The following ZNF212 variants were observed in gnomAD, a reference collection of about 807,000 sequenced individuals.
ZNF212 encodes Zinc finger protein C2H2-150.
ZNF212 carries 32 observed loss-of-function variants against 47.3 expected under a neutral mutation model. That is an observed-to-expected ratio of 0.68 (90% confidence interval 0.51 to 0.91). The LOEUF is 0.91. ZNF212 is among the 40% of genes least tolerant of loss of function. The probability of loss-of-function intolerance (pLI) is 0.00; values close to 1 mark genes in which losing one functional copy is unlikely to be tolerated. For missense variants in ZNF212, 555 were observed against 622.8 expected, an observed-to-expected ratio of 0.89 and a Z score of 1.16; for synonymous variants, 242 against 253.8, an observed-to-expected ratio of 0.95 and a Z score of 0.44.
Position 149,240,057 on chromosome 7 carries a change from G to T in ZNF212, c.24+255G>T, listed in dbSNP as rs191407885. 6.3e-3 allele frequency: 2,575 copies of T among 406,450 alleles called. 9 individuals are homozygous for T. The highest frequency in any genetic ancestry group is 9.1e-3 in the Non-Finnish European group (2,119 of 233,758). 25.2% of individuals were successfully genotyped at this position (406,450 alleles called of 1,614,324 possible). A position where few individuals can be genotyped will look rare whatever the true frequency, so the allele number is the denominator to read the frequency against. ...GAAACTTCTCTGACGCTTGCTTTAG[G>T]TTGGTGGATTTGTGACCCTGCCCAC... On this transcript the variant is annotated intron_variant, in intron 1 of 4. Transcript: ENST00000335870.
At chr7:149,250,014 T>C in intron 1 of ZNF212, 145 bp from the exon 2 acceptor site, 1 of 671,156 alleles carries the variant, frequency 1.5e-6, no homozygotes, top group East Asian at 3.3e-5. Flanking sequence ...ATACAATATC[T>C]ATGTATAATT....
intron 4 of ZNF212, 40 bp downstream of exon 4, chr7:149,252,835 C>T (rs757577132): frequency 6.3e-7 from 1 of 1,596,948 alleles, no homozygotes; most frequent in Non-Finnish European, 8.6e-7. Flanking sequence ...TTCCATAGCC[C>T]TCTGTAGCCT....
intron 2 of ZNF212, 45 bp from the exon 3 acceptor site, chr7:149,250,636 T>C (rs752485300): frequency 2.5e-6 from 4 of 1,613,150 alleles, no homozygotes; most frequent in Non-Finnish European, 3.4e-6. Context: ...TTTTCTGTCA[T>C]AGCTGTGAGT....
chr7:149,250,725 G>A lies in ZNF212; in HGVS notation c.459G>A (p.Gln153=). 6.2e-7 allele frequency: 1 copy of A among 1,614,214 alleles called. No homozygotes were observed. Among genetic ancestry groups the A allele is most frequent in the Non-Finnish European group, 8.5e-7 (1 of 1,180,036 alleles). ...LENDGVCFTE[Q]EWENLEDWQK... Reference sequence around the variant, plus strand: ...ATGATGGCGTCTGTTTCACCGAGCAGGAATGGGAGAATCTGGAGGATTGGC... The same window carrying A: ...ATGATGGCGTCTGTTTCACCGAGCAAGAATGGGAGAATCTGGAGGATTGGC... Residue 153 remains glutamine (Q), a synonymous_variant, in exon 3 of 5, where the codon CAG becomes CAA. Coordinates refer to ENST00000335870, the MANE Select transcript of ZNF212 (RefSeq NM_012256.4).
At position 149,242,948 on chromosome 7, in the gene ZNF212, AAGT is replaced by A. The variant is rs1221009430; in HGVS notation, c.24+3149_24+3151del. Among the ~76,000 whole-genome samples the A allele has an allele frequency of 8.5e-5, 13 of 152,362 alleles. No individual in the cohort carries two copies. The South Asian group carries it at 1.0e-3, about 12-fold the overall frequency. On this transcript the variant is annotated intron_variant, in intron 1 of 4. Coordinates refer to ENST00000335870, the MANE Select transcript of ZNF212 (RefSeq NM_012256.4). ...AAAATTAATGTAAAAGAAGACAAGA[AAGT>A]AGAGAAGAAAGATGGGATAAATAGC...
chr7:149,250,600 A>G, intron 2 of ZNF212, 52 bp downstream of exon 2: 1 of 1,605,920 alleles, frequency 6.2e-7, no homozygotes, highest in Non-Finnish European at 8.5e-7. Context: ...CCAGCCCTTT[A>G]ATATGTAAGC....
At chr7:149,241,305 G>T (rs1796584047) in intron 1 of ZNF212, among the ~76,000 whole-genome samples, 1 of 152,094 alleles carries the variant, frequency 6.6e-6, no homozygotes, top group Admixed American at 6.6e-5. Context: ...GGTGGCGGGT[G>T]CCTGTAGACC....
chr7:149,254,295 C>A lies in ZNF212; in HGVS notation c.1368C>A (p.Ser456Arg). 6.2e-7 allele frequency: 1 copy of A among 1,614,134 alleles called. No homozygotes were observed. The highest frequency in any genetic ancestry group is 8.5e-7 in the Non-Finnish European group (1 of 1,180,048). Reference protein sequence around the residue: ...QRIHTGERPYSCTECEKSFVQ... With the variant: ...QRIHTGERPYRCTECEKSFVQ... ...TCCACACGGGTGAGCGGCCCTACAG[C>A]TGCACTGAGTGTGAGAAGAGCTTTG... The change falls in exon 5 of 5, where the codon AGC becomes AGA. Residue 456 changes from serine to arginine, a missense_variant. Coordinates refer to ENST00000335870, the MANE Select transcript of ZNF212 (RefSeq NM_012256.4). This position sits in a 1 kb window ranked among gnomAD's most constrained non-coding sequence, Gnocchi z 4.5.
intron 4 of ZNF212, among the ~76,000 whole-genome samples, chr7:149,253,342 G>T (rs761720129): frequency 1.5e-4 from 23 of 152,152 alleles, no homozygotes; most frequent in South Asian, 4.1e-4. Context: ...TGTTTTATAA[G>T]AGTAATACAT....
rs188220516 is a variant in ZNF212 at position 149,239,810 on chromosome 7, G to C, written c.24+8G>C. ...GAGTCGGCGCCTGCTCGGGTAAAGA[G>C]GCACCGGCGCGCTGGCTCGAGGGCG... On this transcript the variant is annotated splice_region_variant and intron_variant, in intron 1 of 4. Transcript: ENST00000335870. The C allele has an allele frequency of 1.6e-3, 2,029 of 1,272,574 alleles. 4 individuals are homozygous for C. Among genetic ancestry groups the C allele is most frequent in the Non-Finnish European group, 1.9e-3 (1,952 of 1,001,398 alleles). The allele number at this position is 1,272,574 out of a possible 1,614,324, so 78.8% of individuals were successfully genotyped here.
At chr7:149,247,979 T>C (rs1796700775) in intron 1 of ZNF212, among the ~76,000 whole-genome samples, 1 of 152,108 alleles carries the variant, frequency 6.6e-6, no homozygotes, top group Admixed American at 6.5e-5. Context: ...GGGCAGCAGG[T>C]GTGTGTAGAG....
chr7:149,239,772 T>C lies in ZNF212; in HGVS notation c.-7T>C. 1 of 1,276,518 alleles carries C rather than the reference T, an allele frequency of 7.8e-7. No individual in the cohort carries two copies. Among genetic ancestry groups the C allele is most frequent in the Non-Finnish European group, 1.0e-6 (1 of 1,004,028 alleles). The allele number at this position is 1,276,518 out of a possible 1,614,324, so 79.1% of individuals were successfully genotyped here. A position where few individuals can be genotyped will look rare whatever the true frequency, so the allele number is the denominator to read the frequency against. On this transcript the variant is annotated 5_prime_UTR_variant, in exon 1 of 5. Transcript: ENST00000335870. ...CGGGGTCTGGGTGTTGAGGGGCGAC[T>C]GGAGCCATGGCGGAGTCGGCGCCTG...
At chr7:149,241,854 G>GT (rs1796593373) in intron 1 of ZNF212, among the ~76,000 whole-genome samples, 1 of 152,158 alleles carries the variant, frequency 6.6e-6, no homozygotes, top group South Asian at 2.1e-4. Context: ...GAAGCAGAGA[G>GT]TTCAAAGGGT....
chr7:149,239,671 A>AGGG lies in ZNF212; in HGVS notation c.-108_-107insGGG. 2.8e-6 allele frequency: 3 copies of AGGG among 1,085,362 alleles called. No individual in the cohort carries two copies. The highest frequency in any genetic ancestry group is 2.4e-6 in the Non-Finnish European group (2 of 840,644). 67.2% of individuals were successfully genotyped at this position (1,085,362 alleles called of 1,614,324 possible). ...CTCCCAGAATGCACCTGGCATCAAC[A>AGGG]CGGCGGCGGCGGCGGCGGCTTCCAA... On this transcript the variant is annotated 5_prime_UTR_variant, in exon 1 of 5. Transcript: ENST00000335870.
At chr7:149,252,318 C>A (rs1008910458) in intron 3 of ZNF212, among the ~76,000 whole-genome samples, 2 of 152,200 alleles carry the variant, frequency 1.3e-5, no homozygotes, top group African/African-American at 4.8e-5. Flanking sequence ...CTTGTCTGTC[C>A]CAGTGCCCAT....
At chr7:149,247,422 C>T (rs1272576444) in intron 1 of ZNF212, among the ~76,000 whole-genome samples, 1 of 152,144 alleles carries the variant, frequency 6.6e-6, no homozygotes, top group Non-Finnish European at 1.5e-5. Flanking sequence ...TGATTCCCGT[C>T]ACTTAGCATG....
At chr7:149,247,811 C>G (rs1796698628) in intron 1 of ZNF212, among the ~76,000 whole-genome samples, 1 of 152,062 alleles carries the variant, frequency 6.6e-6, no homozygotes, top group African/African-American at 2.4e-5. Context: ...CTTGACATGG[C>G]CCATTATGTA....
In ZNF212 at chr7:149,239,795, C is replaced by A; in HGVS notation, c.17C>A (p.Pro6His). 1 of 1,274,300 alleles carries A rather than the reference C, an allele frequency of 7.8e-7. No individual in the cohort carries two copies. The highest frequency in any genetic ancestry group is 3.0e-5 in the East Asian group (1 of 33,634). 78.9% of individuals were successfully genotyped at this position (1,274,300 alleles called of 1,614,324 possible). A position where few individuals can be genotyped will look rare whatever the true frequency, so the allele number is the denominator to read the frequency against. Residue 6 changes from proline (P) to histidine (H), a missense_variant, in exon 1 of 5, where the codon CCT becomes CAT. Pro to His is a moderately conservative substitution (Grantham distance 77). Transcript: ENST00000335870. The part of the protein sequence containing the change: MAESA[P>H]ARHRRKRRST... ...ACTGGAGCCATGGCGGAGTCGGCGC[C>A]TGCTCGGGTAAAGAGGCACCGGCGC...
chr7:149,244,687 G>A (rs926058511), intron 1 of ZNF212, among the ~76,000 whole-genome samples: 1 of 152,176 alleles, frequency 6.6e-6, no homozygotes, highest in Admixed American at 6.5e-5. Flanking sequence ...AAACAAAAGA[G>A]AGGAGGCAAA....
Sources: allele counts gnomAD v4.1 joint callset (sites outside exome capture counted in the v4.1 genomes callset), GRCh38; gene constraint gnomAD v4.1.1; non-coding constraint Gnocchi (gnomAD v3.1); transcripts MANE v1.5; gene names NCBI Gene and HGNC (gene_info 2026-07-23, HGNC 2026-07-21).